The following ADRA1B variants were observed in gnomAD, a reference collection of about 807,000 sequenced individuals.
ADRA1B encodes the protein alpha-1B adrenergic receptor.
In ADRA1B, 17 loss-of-function variants were observed where a neutral mutation model predicts 17.9. The ratio of observed to expected loss-of-function variants is 0.95; its 90% CI spans 0.65 to 1.42. The LOEUF (loss-of-function observed/expected upper bound fraction) is 1.42. Among genes scored for constraint, ADRA1B ranks in the 40% most tolerant of loss-of-function variants. The pLI is 0.00. For missense variants in ADRA1B, 681 were observed against 722.1 expected (o/e 0.94, Z 0.65); for synonymous variants, 366 against 327.6 (o/e 1.12, Z -1.27).
At chr5:159,888,918 C>G (rs1417205947) in intron 1 of ADRA1B, among the ~76,000 whole-genome samples, 1 of 152,170 alleles carries the variant, frequency 6.6e-6, no homozygotes, top group South Asian at 2.1e-4. Context: ...TTTTTTAAGC[C>G]ACTTTGAGCT....
intron 1 of ADRA1B, among the ~76,000 whole-genome samples, chr5:159,927,268 G>T (rs1325047355): frequency 6.6e-6 from 1 of 152,054 alleles, no homozygotes; most frequent in Non-Finnish European, 1.5e-5. Flanking sequence ...GTTGATCCCT[G>T]CAGAAGCAGG....
intron 1 of ADRA1B, among the ~76,000 whole-genome samples, chr5:159,894,906 C>A (rs1754025597): frequency 6.6e-6 from 1 of 152,216 alleles, no homozygotes; most frequent in Non-Finnish European, 1.5e-5. Flanking sequence ...CACAACAGAG[C>A]ATCAGACAAG....
downstream of ADRA1B, among the ~76,000 whole-genome samples, chr5:159,974,865 G>A (rs946076138): frequency 2.3e-4 from 35 of 152,098 alleles, no homozygotes; most frequent in African/African-American, 8.2e-4. Flanking sequence ...TTTTACACAT[G>A]GGGAGACTGA....
chr5:159,957,868 G>T (rs771508087), intron 1 of ADRA1B, among the ~76,000 whole-genome samples: 1 of 140,428 alleles, frequency 7.1e-6, no homozygotes, highest in Non-Finnish European at 1.5e-5. Flanking sequence ...GGTGAAGGTT[G>T]CAGTGAGCCA....
rs74631299 is a variant in ADRA1B at position 159,961,076 on chromosome 5, T to C, written c.950-10803T>C. Among the ~76,000 whole-genome samples the C allele has an allele frequency of 8.3e-3, 1,272 of 152,338 alleles. 19 individuals carry two copies. The highest frequency in any genetic ancestry group is 0.029 in the African/African-American group (1,192 of 41,574). On this transcript the variant is annotated intron_variant, in intron 1 of 1. Transcript: ENST00000306675. ...GAAAAAGTGCTTTGACAATTCAGCA[T>C]TCCCAGTTAAGGGAGAAATTCCCTA...
In ADRA1B at chr5:159,961,804, A is replaced by T. The variant is rs148789436; in HGVS notation, c.950-10075A>T. Reference sequence around the variant, plus strand: ...TCCCAGAATGTCAGGGCCCAGAGGGATGTTAGAAACCACCCAGCCCATGGC... The same window carrying T: ...TCCCAGAATGTCAGGGCCCAGAGGGTTGTTAGAAACCACCCAGCCCATGGC... On this transcript the variant is annotated intron_variant, in intron 1 of 1. Coordinates refer to ENST00000306675, the MANE Select transcript of ADRA1B (RefSeq NM_000679.4). Among the ~76,000 whole-genome samples the T allele has an allele frequency of 5.4e-3, 815 of 152,334 alleles. 3 individuals are homozygous for T. Among genetic ancestry groups the T allele is most frequent in the Non-Finnish European group, 9.3e-3 (635 of 68,040 alleles).
chr5:159,943,455 T>C (rs1319829704), intron 1 of ADRA1B, among the ~76,000 whole-genome samples: 1 of 152,130 alleles, frequency 6.6e-6, no homozygotes, highest in Admixed American at 6.5e-5. Context: ...GGCCAGTTCC[T>C]CTAGTTTAAG....
intron 1 of ADRA1B, chr5:159,868,497 G>A (rs1375614233): frequency 6.6e-6 from 1 of 152,170 alleles, no homozygotes; most frequent in Non-Finnish European, 1.5e-5. Flanking sequence ...TTGAAAACTT[G>A]TATATTTTTG....
At position 159,895,465 on chromosome 5, in the gene ADRA1B, G is replaced by T. The variant is rs899364987; in HGVS notation, c.-255-20654G>T. Reference sequence around the variant, plus strand: ...AGAAAACAGGAAATTAAGACAAGGGGACACCAAAGTTACACAGCTACTAGA... The same window carrying T: ...AGAAAACAGGAAATTAAGACAAGGGTACACCAAAGTTACACAGCTACTAGA... On this transcript the variant is annotated intron_variant, in intron 1 of 2. Coordinates refer to the ADRA1B transcript ENST00000641205. Among the ~76,000 whole-genome samples the T allele has an allele frequency of 3.2e-4, 49 of 152,164 alleles. 2 individuals are homozygous for T. Among genetic ancestry groups the T allele is most frequent in the Non-Finnish European group, 8.8e-5 (6 of 68,026 alleles).
At chr5:159,982,884 A>G in the ADRA1B span, among the ~76,000 whole-genome samples, 1 of 152,174 alleles carries the variant, frequency 6.6e-6, no homozygotes, top group African/African-American at 2.4e-5. Flanking sequence ...ATATCACAAA[A>G]TATTATCCAG....
Position 159,917,532 on chromosome 5 carries a change from G to A in ADRA1B, c.627G>A (p.Leu209=). 3 of 1,613,946 alleles carry A rather than the reference G, an allele frequency of 1.9e-6. No individual in the cohort carries two copies. Among genetic ancestry groups the A allele is most frequent in the Non-Finnish European group, 1.7e-6 (2 of 1,179,964 alleles). ...CCTTCTATGCCCTCTTCTCCTCTCT[G>A]GGCTCCTTCTACATCCCTCTGGCGG... ...EEPFYALFSS[L]GSFYIPLAVI... Residue 209 remains leucine, a synonymous_variant, in exon 1 of 2, where the codon CTG becomes CTA. Coordinates refer to ENST00000306675, the MANE Select transcript of ADRA1B (RefSeq NM_000679.4).
intron 1 of ADRA1B, among the ~76,000 whole-genome samples, chr5:159,889,702 A>G (rs1221977535): frequency 6.6e-6 from 1 of 152,204 alleles, no homozygotes; most frequent in African/African-American, 2.4e-5. Flanking sequence ...TGTGGCATCC[A>G]TGTCCTTACT....
intron 1 of ADRA1B, among the ~76,000 whole-genome samples, chr5:159,965,348 A>T (rs1259494264): frequency 6.6e-6 from 1 of 152,158 alleles, no homozygotes; most frequent in Non-Finnish European, 1.5e-5. Flanking sequence ...CAGGCTCGGG[A>T]ACATGCACAG....
chr5:159,921,267 C>T (rs1169482446), intron 1 of ADRA1B, among the ~76,000 whole-genome samples: 1 of 152,178 alleles, frequency 6.6e-6, no homozygotes, highest in South Asian at 2.1e-4. Context: ...TGCTCACTTA[C>T]TCAGGAGCAG....
intron 1 of ADRA1B, among the ~76,000 whole-genome samples, chr5:159,940,544 G>A (rs1230860644): frequency 6.6e-6 from 1 of 152,070 alleles, no homozygotes; most frequent in East Asian, 1.9e-4. Flanking sequence ...ATTCATAGTT[G>A]AGCCCAGTTT....
chr5:159,875,971 T>C (rs1038262750), intron 1 of ADRA1B, among the ~76,000 whole-genome samples: 1 of 152,148 alleles, frequency 6.6e-6, no homozygotes, highest in African/African-American at 2.4e-5. Context: ...GGCGGATCAC[T>C]TGAGGTCAGG....
At chr5:159,920,248 G>T (rs983099896) in intron 1 of ADRA1B, among the ~76,000 whole-genome samples, 6 of 152,114 alleles carry the variant, frequency 3.9e-5, no homozygotes, top group African/African-American at 9.7e-5. Flanking sequence ...GGAAGCCAGG[G>T]TTTTAAATGC....
At chr5:159,879,951 G>T (rs529496615) in intron 1 of ADRA1B, among the ~76,000 whole-genome samples, 1 of 152,040 alleles carries the variant, frequency 6.6e-6, no homozygotes, top group Non-Finnish European at 1.5e-5. Flanking sequence ...AACTGAGATC[G>T]CACCACTGCA....
At chr5:159,933,977 T>A (rs1754881945) in intron 1 of ADRA1B, among the ~76,000 whole-genome samples, 1 of 152,020 alleles carries the variant, frequency 6.6e-6, no homozygotes, top group Non-Finnish European at 1.5e-5. Flanking sequence ...ACAGCGTATA[T>A]TTAGATCAGG....
Sources: gnomAD v4.1 joint callset for allele counts (sites outside exome capture counted in the v4.1 genomes callset) on GRCh38, gnomAD v4.1.1 for gene constraint, MANE v1.5 for transcripts, NCBI Gene and HGNC (gene_info 2026-07-23, HGNC 2026-07-21) for gene names.